The following EIF4G1 variants were observed in gnomAD, a reference collection of about 807,000 sequenced individuals.
EIF4G1 encodes eukaryotic translation initiation factor 4 gamma 1.
A neutral mutation model predicts 187.8 loss-of-function variants in EIF4G1; 4 were observed. The observed-to-expected ratio is 0.02, with a 90% CI of 0.01 to 0.05. The LOEUF is 0.05. Ranked by LOEUF, EIF4G1 falls within the 10% of genes least tolerant of loss-of-function variation. The probability of loss-of-function intolerance (pLI) is 1.00; values close to 1 mark genes in which losing one functional copy is unlikely to be tolerated. For synonymous variants in EIF4G1, 844 were observed against 781.4 expected, an observed-to-expected ratio of 1.08 and a Z score of -1.34; for missense variants, 1,647 against 2,081.1, an observed-to-expected ratio of 0.79 and a Z score of 4.06.
At position 184,317,815 on chromosome 3, in the gene EIF4G1, C is replaced by T. The variant is rs761359067; in HGVS notation, c.423C>T (p.Tyr141=). ...CAAGCCCTACAGAATTTGGGACCTA[C>T]GGTAAGCAGGGGAGGGAGTCAGAGG... ...PGASPTEFGT[Y]AGAYYPAQGV... Residue 141 remains tyrosine, a splice_region_variant and synonymous_variant, in exon 6 of 33, where the codon TAC becomes TAT. Coordinates refer to ENST00000346169, the MANE Select transcript of EIF4G1 (RefSeq NM_198241.3). 1.6e-5 allele frequency: 25 copies of T among 1,610,968 alleles called. No homozygotes were observed. The highest frequency in any genetic ancestry group is 1.1e-4 in the African/African-American group (8 of 74,830).
intron 7 of EIF4G1, 119 bp downstream of exon 7, chr3:184,319,920 G>C (rs1723565607): frequency 1.3e-6 from 1 of 772,978 alleles, no homozygotes; most frequent in East Asian, 2.7e-5. Flanking sequence ...AGAGTGGGCA[G>C]AGAATGGTGT....
At chr3:184,320,121 A>G (rs930756209) in intron 7 of EIF4G1, among the ~76,000 whole-genome samples, 2 of 32,964 alleles carry the variant, frequency 6.1e-5, no homozygotes, top group Non-Finnish European at 1.3e-4. Flanking sequence ...CCCAGCCCCC[A>G]TTCCCCCCTG....
Position 184,321,726 on chromosome 3 carries a change from C to G in EIF4G1, c.1142C>G (p.Ala381Gly), listed in dbSNP as rs142095694. ...EPEVESSPEL[A>G]PPPACPSESP... ...GAGGTGGAGTCAAGCCCAGAGCTTG[C>G]TCCTCCCCCAGCTTGCCCCTCCGAA... Residue 381 changes from alanine (A) to glycine (G), a missense_variant, in exon 10 of 33, where the codon GCT (alanine) becomes GGT (glycine). Physicochemically the swap from Ala to Gly is moderately conservative, Grantham distance 60 (BLOSUM62 0). Around this residue, in one of 11 missense-constraint regions of EIF4G1, gnomAD observed 522 missense variants for 485.2 expected, o/e 1.08. Coordinates refer to ENST00000346169, the MANE Select transcript of EIF4G1 (RefSeq NM_198241.3). 12 of 1,595,014 alleles carry G rather than the reference C, an allele frequency of 7.5e-6. No homozygotes were observed. Among genetic ancestry groups the G allele is most frequent in the African/African-American group, 1.3e-5 (1 of 74,484 alleles).
Position 184,328,737 on chromosome 3 carries a change from C to T in EIF4G1, c.4060C>T (p.Pro1354Ser), listed in dbSNP as rs1725454104. The change falls in exon 27 of 33, where the codon CCC becomes TCC. Residue 1354 changes from proline (P) to serine (S), a missense_variant. By Grantham distance (74) the Pro-to-Ser change is moderately conservative. This residue lies in a region of EIF4G1 where 543 missense variants were observed against 638.0 expected (regional missense o/e 0.85). Transcript: ENST00000346169. ...ACCCATTCTGCAGGAAGGTGGGGTGCCCATGGGGGAGCTGTTCAGGTAAGT... is the reference window on the plus strand; with the variant it reads ...ACCCATTCTGCAGGAAGGTGGGGTGTCCATGGGGGAGCTGTTCAGGTAAGT... ...VTPILQEGGV[P>S]MGELFREITK... The T allele has an allele frequency of 2.5e-6, 4 of 1,613,998 alleles. No individual in the cohort carries two copies. In the African/African-American group the frequency reaches 5.3e-5, roughly 22 times the overall value.
In EIF4G1 at chr3:184,328,666, A is replaced by C; in HGVS notation, c.3989A>C (p.Glu1330Ala). 2 of 1,614,174 alleles carry C rather than the reference A, an allele frequency of 1.2e-6. No individual in the cohort carries two copies. The highest frequency in any genetic ancestry group is 8.5e-7 in the Non-Finnish European group (1 of 1,180,026). The change falls in exon 27 of 33, where the codon GAA becomes GCA. Residue 1330 changes from glutamate to alanine, a missense_variant. Glu to Ala is a moderately radical substitution (Grantham distance 107). This residue lies in a region of EIF4G1 where 543 missense variants were observed against 638.0 expected (regional missense o/e 0.85). Coordinates refer to ENST00000346169, the MANE Select transcript of EIF4G1 (RefSeq NM_198241.3). ...ATCTTGGAATTGGCTGAGGACATGGAAATTGACATCCCCCACGTGTGGCTC... is the reference window on the plus strand; with the variant it reads ...ATCTTGGAATTGGCTGAGGACATGGCAATTGACATCCCCCACGTGTGGCTC... ...YEILELAEDM[E>A]IDIPHVWLYL...
chr3:184,333,258 G>A (rs1298901421), intron 32 of EIF4G1, among the ~76,000 whole-genome samples: 2 of 152,174 alleles, frequency 1.3e-5, no homozygotes, highest in African/African-American at 4.8e-5. Context: ...AGGCAACGGT[G>A]GATCAAGTTG....
intron 8 of EIF4G1, 36 bp from the exon 9 acceptor site, chr3:184,320,891 T>A (rs377491887): frequency 1.3e-4 from 210 of 1,613,796 alleles, no homozygotes; most frequent in Non-Finnish European, 1.6e-4. Flanking sequence ...TGTGGGACTC[T>A]TCAGTGCAAA....
rs144676807 is a variant in EIF4G1 at position 184,334,263 on chromosome 3, G to T, written c.4619-464G>T. On this transcript the variant is annotated intron_variant, in intron 32 of 32. Coordinates refer to ENST00000346169, the MANE Select transcript of EIF4G1 (RefSeq NM_198241.3). The surrounding 1 kb of genome is among the most constrained non-coding windows in gnomAD (Gnocchi z 5.8). Reference sequence around the variant, plus strand: ...CACAAAAGTGTCAAGGCCAGAGAAGGTGTGTATGTACAGGAAATGTGTGGG... The same window carrying T: ...CACAAAAGTGTCAAGGCCAGAGAAGTTGTGTATGTACAGGAAATGTGTGGG... Among the ~76,000 whole-genome samples the T allele has an allele frequency of 2.9e-3, 446 of 152,292 alleles. 1 individual carries two copies. Among genetic ancestry groups the T allele is most frequent in the African/African-American group, 0.01 (430 of 41,564 alleles).
At chr3:184,319,325 C>A in intron 6 of EIF4G1, 1 of 318,778 alleles carries the variant, frequency 3.1e-6, no homozygotes, top group Non-Finnish European at 6.2e-6. Context: ...ATGTTGATAG[C>A]GGGTGGGGTA....
intron 8 of EIF4G1, 93 bp from the exon 9 acceptor site, chr3:184,320,834 G>C (rs1723770344): frequency 6.2e-7 from 1 of 1,607,208 alleles, no homozygotes; most frequent in Non-Finnish European, 8.5e-7. Flanking sequence ...TGCTTTCCTG[G>C]ATTTCTAGGC....
intron 32 of EIF4G1, among the ~76,000 whole-genome samples, chr3:184,333,251 C>T (rs955911961): frequency 6.6e-6 from 1 of 152,102 alleles, no homozygotes. Context: ...CTGGGGTAGG[C>T]AACGGTGGAT....
Position 184,325,750 on chromosome 3 carries a change from A to G in EIF4G1, c.3122-101A>G. On this transcript the variant is annotated intron_variant, in intron 20 of 32. Coordinates refer to ENST00000346169, the MANE Select transcript of EIF4G1 (RefSeq NM_198241.3). This position sits in a 1 kb window ranked among gnomAD's most constrained non-coding sequence, Gnocchi z 5.2. ...GTGTCTGGGCCACTGAGACACCATG[A>G]TGGAACTGAGGATCTGAGGAAGGGA... 3 of 1,610,126 alleles carry G rather than the reference A, an allele frequency of 1.9e-6. No homozygotes were observed. The highest frequency in any genetic ancestry group is 2.2e-5 in the East Asian group (1 of 44,852).
rs1357478689 is a variant in EIF4G1, at chr3:184,323,138, G to T, written c.1985G>T (p.Cys662Phe). 6.2e-7 allele frequency: 1 copy of T among 1,614,200 alleles called. No homozygotes were observed. Residue 662 changes from cysteine (C) to phenylalanine (F), a missense_variant, in exon 14 of 33, where the codon TGT becomes TTT. Around this residue, in one of 11 missense-constraint regions of EIF4G1, gnomAD observed 140 missense variants for 222.2 expected, o/e 0.63. Coordinates refer to ENST00000346169, the MANE Select transcript of EIF4G1 (RefSeq NM_198241.3). This position sits in a 1 kb window ranked among gnomAD's most constrained non-coding sequence, Gnocchi z 6.9. ...CCCACTAGACTACAAGGCATAAATT[G>T]TGGCCCAGACTTCACTCCATCCTTT... is the stretch of plus-strand genomic sequence containing the variant. ...LDPTRLQGIN[C>F]GPDFTPSFAN...
Position 184,335,180 on chromosome 3 carries a change from G to A in EIF4G1, c.*272G>A, listed in dbSNP as rs1182285014. 2.2e-6 allele frequency: 1 copy of A among 458,774 alleles called. No homozygotes were observed. Among genetic ancestry groups the A allele is most frequent in the Admixed American group, 3.6e-5 (1 of 27,894 alleles). The allele number at this position is 458,774 out of a possible 1,614,324, so 28.4% of individuals were successfully genotyped here. Reference sequence around the variant, plus strand: ...TTTGGTGTGTCTTGGGGTGGGGAGGGGCACCAACGCCTGCCCCTGGGGTCC... The same window carrying A: ...TTTGGTGTGTCTTGGGGTGGGGAGGAGCACCAACGCCTGCCCCTGGGGTCC... On this transcript the variant is annotated 3_prime_UTR_variant, in exon 33 of 33. Coordinates refer to ENST00000346169, the MANE Select transcript of EIF4G1 (RefSeq NM_198241.3).
At chr3:184,327,145 C>T in intron 23 of EIF4G1, 71 bp from the exon 24 acceptor site, 9 of 1,592,292 alleles carry the variant, frequency 5.7e-6, no homozygotes, top group South Asian at 4.4e-5. Context: ...AACAGTTGCT[C>T]AGCATGTTGT....
chr3:184,328,576 A>G, intron 26 of EIF4G1, 55 bp from the exon 27 acceptor site: 1 of 1,613,734 alleles, frequency 6.2e-7, no homozygotes. Context: ...ACGTTGCCCC[A>G]GAAGGAGAGT....
rs745578162 is a variant in EIF4G1, at chr3:184,327,374, A to G, written c.3587A>G (p.Glu1196Gly). 6.2e-7 allele frequency: 1 copy of G among 1,613,454 alleles called. No homozygotes were observed. Among genetic ancestry groups the G allele is most frequent in the African/African-American group, 1.3e-5 (1 of 74,942 alleles). ...AAGGAAGTGGAGGAGCGGAGTAGAG[A>G]ACGGCCCTCCCAGCCTGAGGGGCTG... Reference protein sequence around the residue: ...FSKEVEERSRERPSQPEGLRK... With the variant: ...FSKEVEERSRGRPSQPEGLRK... The change falls in exon 24 of 33, where the codon GAA becomes GGA. Residue 1196 changes from glutamate (E) to glycine (G), a missense_variant. By Grantham distance (98) the Glu-to-Gly change is moderately conservative. Transcript: ENST00000346169.
rs755380111 is a variant in EIF4G1 at position 184,325,452 on chromosome 3, C to T, written c.2962-28C>T. The T allele has an allele frequency of 9.3e-6, 15 of 1,614,076 alleles. No individual in the cohort carries two copies. Among genetic ancestry groups the T allele is most frequent in the Admixed American group, 3.3e-5 (2 of 60,014 alleles). ...TGCCTTGTCTTGCCTTCCCTGACAT[C>T]ATCGTGACTGGCCCTCTGTCTCCAC... On this transcript the variant is annotated intron_variant, in intron 19 of 32. Transcript: ENST00000346169. The surrounding 1 kb of genome is among the most constrained non-coding windows in gnomAD (Gnocchi z 5.2).
intron 6 of EIF4G1, 113 bp downstream of exon 6, chr3:184,317,929 G>C: frequency 1.2e-6 from 1 of 803,636 alleles, no homozygotes; most frequent in Admixed American, 2.0e-5. Flanking sequence ...GTCTAAAAAT[G>C]ATAAGGTTAA....
Sources: gnomAD v4.1 joint callset for allele counts (sites outside exome capture counted in the v4.1 genomes callset) on GRCh38, gnomAD v4.1.1 for gene constraint, gnomAD v4.1.1 regional missense constraint, Gnocchi (gnomAD v3.1) non-coding constraint, MANE v1.5 for transcripts, NCBI Gene and HGNC (gene_info 2026-07-23, HGNC 2026-07-21) for gene names.